Variants in GREB1L observed in about 807,000 individuals in gnomAD.
The protein encoded by GREB1L is GREB1-like protein.
A neutral mutation model predicts 200.8 loss-of-function variants in GREB1L; 17 were observed. The observed-to-expected ratio is 0.08, with a 90% CI of 0.06 to 0.13. The LOEUF is 0.13. Among genes scored for constraint, GREB1L ranks in the 10% least tolerant of loss-of-function variants. GREB1L has a pLI of 1.00. For missense variants in GREB1L, 1,657 were observed against 2,367.7 expected (o/e 0.70, Z 6.23); for synonymous variants, 789 against 893.0 (o/e 0.88, Z 2.08).
intron 5 of GREB1L, among the ~76,000 whole-genome samples, chr18:21,399,709 A>C (rs1431812732): frequency 1.3e-5 from 2 of 152,190 alleles, no homozygotes; most frequent in Admixed American, 1.3e-4. Context: ...TAAGTTGTTA[A>C]TTCTATGTGA....
intron 7 of GREB1L, among the ~76,000 whole-genome samples, chr18:21,412,056 A>C (rs2031105527): frequency 7.5e-6 from 1 of 134,202 alleles, no homozygotes; most frequent in South Asian, 2.2e-4. Context: ...CGTCTCAAAA[A>C]AAAAAAAAAA....
chr18:21,366,968 AG>A (rs905768894), intron 2 of GREB1L, among the ~76,000 whole-genome samples: 1 of 152,132 alleles, frequency 6.6e-6, no homozygotes, highest in African/African-American at 2.4e-5. Context: ...GAGGGAGCGG[AG>A]GAGGCAGAAG....
intron 1 of GREB1L, among the ~76,000 whole-genome samples, chr18:21,350,840 G>A (rs4800624): frequency 0.15 from 22,117 of 152,064 alleles, 3,457 homozygotes; most frequent in African/African-American, 0.39. Context: ...GAGAAAATCC[G>A]TAAAAAACCT....
intron 1 of GREB1L, among the ~76,000 whole-genome samples, chr18:21,259,348 G>A (rs898527315): frequency 3.3e-5 from 5 of 152,032 alleles, no homozygotes; most frequent in African/African-American, 1.2e-4. Context: ...TTATTCAGTG[G>A]GGATAATAGA....
chr18:21,292,501 G>A (rs1204158426), intron 1 of GREB1L, among the ~76,000 whole-genome samples: 5 of 152,136 alleles, frequency 3.3e-5, no homozygotes, highest in South Asian at 2.1e-4. Context: ...CCCCGTACTC[G>A]TTAGCTATCG....
intron 2 of GREB1L, among the ~76,000 whole-genome samples, chr18:21,368,021 A>G (rs1194481297): frequency 2.6e-5 from 4 of 152,218 alleles, no homozygotes; most frequent in African/African-American, 4.8e-5. Context: ...TATCATTTAT[A>G]TTTCAATCTA....
At chr18:21,268,522 TACACACACACAC>T (rs773384876) in intron 1 of GREB1L, among the ~76,000 whole-genome samples, 31 of 65,166 alleles carry the variant, frequency 4.8e-4, no homozygotes, top group Admixed American at 8.9e-4. Context: ...TATATATATA[TACACACACACAC>T]ACACACACAC....
intron 1 of GREB1L, among the ~76,000 whole-genome samples, chr18:21,312,801 C>G (rs2038813054): frequency 6.6e-6 from 1 of 152,152 alleles, no homozygotes; most frequent in South Asian, 2.1e-4. Flanking sequence ...ATCCGCCCAC[C>G]TTGGCCTCCC....
At chr18:21,248,077 A>C (rs2037637472) in intron 1 of GREB1L, among the ~76,000 whole-genome samples, 1 of 152,238 alleles carries the variant, frequency 6.6e-6, no homozygotes, top group Non-Finnish European at 1.5e-5. Flanking sequence ...ATGGAATGAA[A>C]ATTAGCTATT....
chr18:21,277,294 C>T (rs1252440479), intron 1 of GREB1L, among the ~76,000 whole-genome samples: 1 of 152,206 alleles, frequency 6.6e-6, no homozygotes, highest in East Asian at 1.9e-4. Context: ...TAAGATTTAG[C>T]CTCCTGTGAG....
chr18:21,481,394 CTTA>C (rs1160910123), intron 17 of GREB1L, among the ~76,000 whole-genome samples: 2 of 147,162 alleles, frequency 1.4e-5, no homozygotes, highest in Non-Finnish European at 3.0e-5. Flanking sequence ...AAAGTTTATA[CTTA>C]TTATACAGGC....
At chr18:21,381,656 T>C (rs1220411236) in intron 2 of GREB1L, among the ~76,000 whole-genome samples, 1 of 152,156 alleles carries the variant, frequency 6.6e-6, no homozygotes, top group African/African-American at 2.4e-5. Flanking sequence ...TTCTGGAAAA[T>C]TCCATGTACA....
At chr18:21,320,512 C>G (rs2038935086) in intron 1 of GREB1L, among the ~76,000 whole-genome samples, 2 of 152,034 alleles carry the variant, frequency 1.3e-5, no homozygotes, top group Admixed American at 1.3e-4. Context: ...GCCTGTAATC[C>G]CAGCACTTTG....
Position 21,451,006 on chromosome 18 carries a change from T to C in GREB1L, c.1721-17T>C, listed in dbSNP as rs1480384935. The C allele has an allele frequency of 6.4e-7, 1 of 1,550,968 alleles. No homozygotes were observed. Among genetic ancestry groups the C allele is most frequent in the East Asian group, 2.4e-5 (1 of 40,916 alleles). ...TGTTCTGTTGATGAGTCTTCTCTTCTCTCCTCCATCCTGCAGGTCAGCACC... is the reference window on the plus strand; with the variant it reads ...TGTTCTGTTGATGAGTCTTCTCTTCCCTCCTCCATCCTGCAGGTCAGCACC... On this transcript the variant is annotated splice_polypyrimidine_tract_variant and intron_variant, in intron 12 of 32. Coordinates refer to ENST00000424526, the MANE Select transcript of GREB1L (RefSeq NM_001142966.3).
chr18:21,353,639 A>G (rs2039465579), intron 1 of GREB1L, among the ~76,000 whole-genome samples: 2 of 152,182 alleles, frequency 1.3e-5, no homozygotes, highest in Non-Finnish European at 2.9e-5. Context: ...TGCTGGTAAT[A>G]TATGTGATAT....
At chr18:21,387,604 A>G (rs947924655) in intron 4 of GREB1L, 1 of 152,256 alleles carries the variant, frequency 6.6e-6, no homozygotes, top group Non-Finnish European at 1.5e-5. Context: ...GAAAGATCAC[A>G]TCAGTCCTTC....
chr18:21,418,568 G>A (rs373646448), intron 7 of GREB1L, among the ~76,000 whole-genome samples: 10 of 152,148 alleles, frequency 6.6e-5, no homozygotes, highest in East Asian at 5.8e-4. Flanking sequence ...CTGTTGCCCA[G>A]GCTGGAGTGC....
rs1355739539 is a variant in GREB1L, at chr18:21,490,039, C to T, written c.2718C>T (p.Val906=). 56 of 1,551,800 alleles carry T rather than the reference C, an allele frequency of 3.6e-5. No individual in the cohort carries two copies. The highest frequency in any genetic ancestry group is 4.5e-5 in the Non-Finnish European group (52 of 1,147,022). Residue 906 remains valine, a synonymous_variant, in exon 19 of 33, where the codon GTC becomes GTT. Transcript: ENST00000424526. ...ACCCCAGGCTGCACAGCATGGTCGT[C>T]CGCTGCTATCTTCTCATCCAGCAGT... ...ERYPRLHSMV[V]RCYLLIQQYS... is the part of the protein sequence containing the mutation.
At chr18:21,244,166 C>A (rs2037557294) in intron 1 of GREB1L, among the ~76,000 whole-genome samples, 1 of 151,904 alleles carries the variant, frequency 6.6e-6, no homozygotes, top group South Asian at 2.1e-4. Flanking sequence ...CAGTGGAAAG[C>A]AAAACTATTA....
Sources: allele counts gnomAD v4.1 joint callset (sites outside exome capture counted in the v4.1 genomes callset), GRCh38; gene constraint gnomAD v4.1.1; transcripts MANE v1.5; gene names NCBI Gene and HGNC (gene_info 2026-07-23, HGNC 2026-07-21).